Variants in AP5Z1 observed in about 807,000 individuals in gnomAD.
The protein encoded by AP5Z1 is adaptor related protein complex 5 subunit zeta 1.
In AP5Z1, 106 loss-of-function variants were observed where a neutral mutation model predicts 83.0. That is an observed-to-expected ratio of 1.28 (90% CI 1.09 to 1.50). The LOEUF is 1.50. AP5Z1 is among the 40% of genes most tolerant of loss of function. The pLI is 0.00. For missense variants in AP5Z1, 1,565 were observed against 1,094.2 expected (o/e 1.43, Z -6.07); for synonymous variants, 751 against 514.1 (o/e 1.46, Z -6.23).
rs928947081 is a variant in AP5Z1, at chr7:4,783,783, G to C, written c.606G>C (p.Thr202=). Residue 202 remains threonine, a synonymous_variant, in exon 5 of 17, where the codon ACG becomes ACC. Coordinates refer to ENST00000649063, the MANE Select transcript of AP5Z1 (RefSeq NM_014855.3). ...CACACTCCGGCGGCTTCTTCTCCAC[G>C]CCCAGGGCCCGGCAGGTGAGGCTGG... ...GLPHSGGFFS[T]PRARQPGPVT... The C allele has an allele frequency of 6.5e-7, 1 of 1,548,930 alleles. No individual in the cohort carries two copies. Among genetic ancestry groups the C allele is most frequent in the Non-Finnish European group, 8.7e-7 (1 of 1,147,066 alleles).
At chr7:4,780,592 GTCTT>G (rs1781353900) in intron 1 of AP5Z1, among the ~76,000 whole-genome samples, 1 of 152,090 alleles carries the variant, frequency 6.6e-6, no homozygotes, top group Admixed American at 6.5e-5. Context: ...GTGAAACCCT[GTCTT>G]TACTAAAAAA....
intron 5 of AP5Z1, 133 bp from the exon 6 acceptor site, chr7:4,784,070 C>A: frequency 8.7e-7 from 1 of 1,144,102 alleles, no homozygotes; most frequent in Non-Finnish European, 1.2e-6. Context: ...GTTTTTGCAT[C>A]ACACAGGGCG....
Position 4,781,561 on chromosome 7 carries a change from C to T in AP5Z1, c.180-7C>T, listed in dbSNP as rs765784263. On this transcript the variant is annotated splice_polypyrimidine_tract_variant and splice_region_variant and intron_variant, in intron 2 of 16. Transcript: ENST00000649063. ...TTACCGCCCACCACGGGCATCTCGC[C>T]TTCCAGGCTGGAGAAGACATGCGTA... The T allele has an allele frequency of 3.1e-6, 5 of 1,602,134 alleles. No homozygotes were observed. The highest frequency in any genetic ancestry group is 2.2e-5 in the South Asian group (2 of 90,834).
At chr7:4,779,059 G>GATATAAAAATATATTTTTATATGTAATAT (rs1781300687) in intron 1 of AP5Z1, among the ~76,000 whole-genome samples, 1 of 143,504 alleles carries the variant, frequency 7.0e-6, no homozygotes, top group African/African-American at 2.5e-5. Flanking sequence ...TAGATAGATA[G>GATATAAAAATATATTTTTATATGTAATAT]ATATAAAAAT....
rs1781314523 is a variant in AP5Z1, at chr7:4,779,346, T to TTATATATGATATATAAC, written c.42-1829_42-1828insTATATATGATATATAAC. 4.2e-5 allele frequency among the ~76,000 whole-genome samples: 6 copies of TTATATATGATATATAAC among 143,384 alleles called. 1 individual carries two copies. Among genetic ancestry groups the TTATATATGATATATAAC allele is most frequent in the African/African-American group, 1.6e-4 (6 of 36,608 alleles). 94.1% of individuals were successfully genotyped at this position (143,384 alleles called of 152,430 possible). A position where few individuals can be genotyped will look rare whatever the true frequency, so the allele number is the denominator to read the frequency against. ...CACGTTATATATGATATATAACATA[T>TTATATATGATATATAAC]AACATGTTATATATCATAACGTGTT... On this transcript the variant is annotated intron_variant, in intron 1 of 16. Transcript: ENST00000649063.
Position 4,788,872 on chromosome 7 carries a change from T to C in AP5Z1, c.1628T>C (p.Met543Thr), listed in dbSNP as rs1245808250. Residue 543 changes from methionine (M) to threonine (T), a missense_variant, in exon 13 of 17, where the codon ATG becomes ACG. Transcript: ENST00000649063. ...LAPLHQLLQPMAGCARVAQCA... is the reference protein window; with the variant it reads ...LAPLHQLLQPTAGCARVAQCA... ...CCACTCCACCAGCTGCTGCAGCCCA[T>C]GGCCGGCTGTGCCCGCGTGGCCCAG... The C allele has an allele frequency of 1.9e-6, 3 of 1,609,806 alleles. No individual in the cohort carries two copies. Among genetic ancestry groups the C allele is most frequent in the Non-Finnish European group, 2.5e-6 (3 of 1,178,822 alleles).
intron 9 of AP5Z1, 140 bp downstream of exon 9, chr7:4,785,824 C>T: frequency 3.3e-6 from 4 of 1,224,198 alleles, no homozygotes; most frequent in Non-Finnish European, 4.2e-6. Context: ...CCAGGCTGGT[C>T]TGGAACTCGT....
intron 10 of AP5Z1, 131 bp downstream of exon 10, chr7:4,786,559 C>T (rs1203932116): frequency 1.2e-5 from 13 of 1,060,022 alleles, no homozygotes; most frequent in Middle Eastern, 6.3e-4. Context: ...GCCTGGAATG[C>T]GGTGTGCAGG....
At chr7:4,786,551 C>G (rs756668364) in intron 10 of AP5Z1, 123 bp downstream of exon 10, 5 of 1,145,160 alleles carry the variant, frequency 4.4e-6, no homozygotes, top group Non-Finnish European at 6.3e-6. Context: ...AGTCCCGGGC[C>G]TGGAATGCGG....
At chr7:4,782,877 G>A (rs1359474675) in intron 3 of AP5Z1, among the ~76,000 whole-genome samples, 1 of 152,162 alleles carries the variant, frequency 6.6e-6, no homozygotes, top group Non-Finnish European at 1.5e-5. Context: ...CCACCCAGCC[G>A]CCCTCCTCCC....
chr7:4,788,218 G>A lies in AP5Z1; in HGVS notation c.1519G>A (p.Glu507Lys), dbSNP rs1488532185. The change falls in exon 12 of 17, where the codon GAG becomes AAG. Residue 507 changes from glutamate (E) to lysine (K), a missense_variant. Coordinates refer to ENST00000649063, the MANE Select transcript of AP5Z1 (RefSeq NM_014855.3). ...DTSLRAPSCL[E>K]AFRDPQFQGL... The stretch of plus-strand genomic sequence containing the variant: ...CTCTCTCAGGGCCCCCAGCTGCCTG[G>A]AGGCCTTCCGGGACCCGCAGTTCCA... 5.7e-6 allele frequency: 9 copies of A among 1,569,342 alleles called. No homozygotes were observed. Among genetic ancestry groups the A allele is most frequent in the African/African-American group, 1.4e-5 (1 of 73,890 alleles).
rs74274130 is a variant in AP5Z1 at position 4,785,760 on chromosome 7, C to CT, written c.1132+96dup. 0.11 allele frequency: 122,067 copies of CT among 1,124,604 alleles called. 1,079 individuals are homozygous for CT. The highest frequency in any genetic ancestry group is 0.21 in the African/African-American group (11,229 of 53,422). The allele number at this position is 1,124,604 out of a possible 1,614,324, so 69.7% of individuals were successfully genotyped here. A position where few individuals can be genotyped will look rare whatever the true frequency, so the allele number is the denominator to read the frequency against. On this transcript the variant is annotated intron_variant, in intron 9 of 16. Coordinates refer to ENST00000649063, the MANE Select transcript of AP5Z1 (RefSeq NM_014855.3). ...GTTTTAGGATGGAATTTCTTCTTCC[C>CT]TTTTTTTTTTTTTTTTTTTTGATTG...
intron 13 of AP5Z1, among the ~76,000 whole-genome samples, chr7:4,789,629 G>A (rs893660821): frequency 1.3e-5 from 2 of 152,214 alleles, no homozygotes; most frequent in Non-Finnish European, 2.9e-5. Context: ...CTCTGCCGGG[G>A]GCACTTGGGC....
chr7:4,790,160 G>T, intron 14 of AP5Z1: 2 of 1,517,128 alleles, frequency 1.3e-6, no homozygotes, highest in Non-Finnish European at 8.8e-7. Flanking sequence ...CCTCTTCAGG[G>T]TTAGCTCAGG....
chr7:4,783,581 TG>T, intron 4 of AP5Z1, 107 bp from the exon 5 acceptor site: 1 of 1,532,952 alleles, frequency 6.5e-7, no homozygotes, highest in Non-Finnish European at 8.8e-7. Context: ...CCCGAGGGTT[TG>T]GGACGCTGCA....
At chr7:4,781,864 G>C (rs1042515654) in intron 3 of AP5Z1, 110 bp downstream of exon 3, 3 of 1,256,052 alleles carry the variant, frequency 2.4e-6, no homozygotes, top group Non-Finnish European at 3.2e-6. Context: ...TGTTGTAGAC[G>C]CATCTCGGTG....
rs114076345 is a variant in AP5Z1, at chr7:4,791,916, G to A, written c.*531G>A. 2.9e-3 allele frequency: 446 copies of A among 154,628 alleles called. 3 individuals are homozygous for A. Among genetic ancestry groups the A allele is most frequent in the African/African-American group, 0.01 (426 of 41,604 alleles). The allele number at this position is 154,628 out of a possible 1,614,324, so 9.6% of individuals were successfully genotyped here. ...CAGGTCATTTGTGCACAGCCCGGAA[G>A]GCAGCGGCGCGAGTTCCCGGGTGTG... On this transcript the variant is annotated 3_prime_UTR_variant, in exon 17 of 17. Transcript: ENST00000649063.
intron 1 of AP5Z1, among the ~76,000 whole-genome samples, chr7:4,776,156 C>T (rs935075721): frequency 2.0e-5 from 3 of 151,554 alleles, no homozygotes; most frequent in Admixed American, 6.6e-5. Flanking sequence ...GGCTGTGTGC[C>T]AGGCTGGGGA....
Position 4,790,902 on chromosome 7 carries a change from A to C in AP5Z1, c.2153+15A>C. On this transcript the variant is annotated intron_variant, in intron 16 of 16. Coordinates refer to ENST00000649063, the MANE Select transcript of AP5Z1 (RefSeq NM_014855.3). ...CTGATCCCCAGGTGCCTGGTCAGGG[A>C]GGGAGCGAAGCCTTCTGGCTCCTGG... 6.3e-7 allele frequency: 1 copy of C among 1,581,992 alleles called. No homozygotes were observed. Among genetic ancestry groups the C allele is most frequent in the East Asian group, 2.3e-5 (1 of 43,268 alleles).
Sources: gnomAD v4.1 joint callset for allele counts (sites outside exome capture counted in the v4.1 genomes callset) on GRCh38, gnomAD v4.1.1 for gene constraint, MANE v1.5 for transcripts, NCBI Gene and HGNC (gene_info 2026-07-23, HGNC 2026-07-21) for gene names.